Variants in ARMCX4 observed in about 807,000 individuals in gnomAD.
ARMCX4 encodes the protein armadillo repeat-containing X-linked protein 4.
Under a neutral mutation model 34.7 loss-of-function variants are expected in ARMCX4, and 3 were observed. The ratio of observed to expected loss-of-function variants is 0.09; its 90% CI spans 0.04 to 0.22. The LOEUF (loss-of-function observed/expected upper bound fraction) is 0.22. Ranked by LOEUF, ARMCX4 falls within the 10% of genes least tolerant of loss-of-function variation. ARMCX4 has a pLI of 1.00. For synonymous variants in ARMCX4, 513 were observed against 632.8 expected (o/e 0.81, Z 2.84); for missense variants, 1,448 against 1,720.8 (o/e 0.84, Z 2.81).
chrX:101,489,727 G>A lies in ARMCX4; in HGVS notation c.1138G>A (p.Gly380Ser). ...AEVTSGARVDGRGNTNVISKA... is the reference protein window; with the variant it reads ...AEVTSGARVDSRGNTNVISKA... ...GGTGACGTCTGGTGCCAGGGTTGAT[G>A]GTAGGGGAAATACCAATGTCATATC... The change falls in exon 6 of 6, where the codon GGT becomes AGT. Residue 380 changes from glycine (G) to serine (S), a missense_variant. Around this residue, in one of 2 missense-constraint regions of ARMCX4, gnomAD observed 1,343 missense variants for 1,540.7 expected, o/e 0.87. Coordinates refer to ENST00000423738, the MANE Select transcript of ARMCX4 (RefSeq NM_001256155.3). The A allele has an allele frequency of 1.7e-6, 2 of 1,154,622 alleles. No homozygotes were observed. Among genetic ancestry groups the A allele is most frequent in the Non-Finnish European group, 2.3e-6 (2 of 872,103 alleles).
rs781862032 is a variant in ARMCX4, at chrX:101,510,193, C to CAGGACAAAGTGCAGGACA, written c.*1749+515_*1749+516insAGGACAAAGTGCAGGACA. Among the ~76,000 whole-genome samples the CAGGACAAAGTGCAGGACA allele has an allele frequency of 3.8e-4, 43 of 111,852 alleles. 1 individual carries two copies. Among genetic ancestry groups the CAGGACAAAGTGCAGGACA allele is most frequent in the Admixed American group, 3.6e-3 (38 of 10,525 alleles). On this transcript the variant is annotated intron_variant and NMD_transcript_variant, in intron 10 of 12. Coordinates refer to the ARMCX4 transcript ENST00000354842. Reference sequence around the variant, plus strand: ...AATGATGAAATATAGAATATATATACGCATATATTCACACACTTGCTGTCC... The same window carrying CAGGACAAAGTGCAGGACA: ...AATGATGAAATATAGAATATATATACAGGACAAAGTGCAGGACAGCATATATTCACACACTTGCTGTCC...
At chrX:101,461,206 AT>A (rs1932591612) in intron 4 of ARMCX4, among the ~76,000 whole-genome samples, 1 of 111,871 alleles carries the variant, frequency 8.9e-6, no homozygotes, top group Non-Finnish European at 1.9e-5. Context: ...ATAAAACTCT[AT>A]ACCCATTAAA....
Position 101,490,148 on chromosome X carries a change from C to A in ARMCX4, c.1559C>A (p.Ala520Asp). ...GGTATGGCCCAGAGCCAGGGTGAAGCCTTACCTAATACTAGAGGTAAGGCT... is the reference window on the plus strand; with the variant it reads ...GGTATGGCCCAGAGCCAGGGTGAAGACTTACCTAATACTAGAGGTAAGGCT... ...AQGMAQSQGEALPNTRGKARG... is the reference protein window; with the variant it reads ...AQGMAQSQGEDLPNTRGKARG... The change falls in exon 6 of 6, where the codon GCC becomes GAC. Residue 520 changes from alanine to aspartate, a missense_variant. This residue lies in a region of ARMCX4 where 1,343 missense variants were observed against 1,540.7 expected (regional missense o/e 0.87). Transcript: ENST00000423738. 1 of 1,155,725 alleles carries A rather than the reference C, an allele frequency of 8.7e-7. No homozygotes were observed. Among genetic ancestry groups the A allele is most frequent in the Non-Finnish European group, 1.1e-6 (1 of 872,882 alleles).
chrX:101,434,585 G>C (rs1335379500), intron 2 of ARMCX4, among the ~76,000 whole-genome samples: 2 of 111,017 alleles, frequency 1.8e-5, no homozygotes, highest in Admixed American at 1.9e-4. Context: ...AATGAGTATA[G>C]GGTGGGAAGG....
chrX:101,480,951 C>T (rs782433692), upstream of ARMCX4, among the ~76,000 whole-genome samples: 2 of 110,923 alleles, frequency 1.8e-5, no homozygotes, highest in African/African-American at 3.3e-5. Flanking sequence ...GGCAAAAACC[C>T]GTCTATACCA....
In ARMCX4 at chrX:101,423,356, G is replaced by A. The variant is rs782380847; in HGVS notation, n.164+4356G>A. 4.6e-5 allele frequency among the ~76,000 whole-genome samples: 5 copies of A among 108,730 alleles called. No individual in the cohort carries two copies. In the East Asian group the frequency reaches 1.2e-3, roughly 27 times the overall value. The allele number at this position is 108,730 out of a possible 115,157, so 94.4% of individuals were successfully genotyped here. A position where few individuals can be genotyped will look rare whatever the true frequency, so the allele number is the denominator to read the frequency against. On this transcript the variant is annotated intron_variant and non_coding_transcript_variant, in intron 2 of 3. Coordinates refer to the ARMCX4 transcript ENST00000430461. Reference sequence around the variant, plus strand: ...TCTTTTGCCCTGGGTGGTGGCTCACGCTTGTAATCCCAGCACTTTGGGAGG... The same window carrying A: ...TCTTTTGCCCTGGGTGGTGGCTCACACTTGTAATCCCAGCACTTTGGGAGG...
chrX:101,497,935 TGCC>T (rs1556012357), downstream of ARMCX4, among the ~76,000 whole-genome samples: 45 of 111,701 alleles, frequency 4.0e-4, no homozygotes, highest in African/African-American at 1.4e-3. Context: ...TTATTTTAAT[TGCC>T]AGGAGTGCGG....
rs1280824746 is a variant in ARMCX4 at position 101,491,500 on chromosome X, A to C, written c.2911A>C (p.Asn971His). ...LPGAKNKVRG[N>H]SNAVPKAEAG... ...TGGGGCCAAAAATAAGGTCAGGGGC[A>C]ATTCCAATGCTGTGCCTAAGGCAGA... Residue 971 changes from asparagine (N) to histidine (H), a missense_variant, in exon 6 of 6, where the codon AAT becomes CAT. Asn to His is a moderately conservative substitution (Grantham distance 68). Around this residue, in one of 2 missense-constraint regions of ARMCX4, gnomAD observed 1,343 missense variants for 1,540.7 expected, o/e 0.87. Transcript: ENST00000423738. The C allele has an allele frequency of 2.8e-5, 32 of 1,155,108 alleles. No homozygotes were observed. The highest frequency in any genetic ancestry group is 5.2e-5 in the Admixed American group (2 of 38,743).
At position 101,517,839 on chromosome X, in the gene ARMCX4, A is replaced by G. The variant is rs143917505; in HGVS notation, c.*1780+6784A>G. ...AATCCAGTAGATCTAATATCTACTC[A>G]AGGTTTGTAAAAAAAAACAAACAAA... is the stretch of plus-strand genomic sequence containing the variant. On this transcript the variant is annotated intron_variant and NMD_transcript_variant, in intron 11 of 12. Coordinates refer to the ARMCX4 transcript ENST00000354842. 4.9e-3 allele frequency among the ~76,000 whole-genome samples: 542 copies of G among 111,216 alleles called. 2 individuals are homozygous for G. The highest frequency in any genetic ancestry group is 0.017 in the African/African-American group (510 of 30,687).
downstream of ARMCX4, among the ~76,000 whole-genome samples, chrX:101,448,612 A>G (rs1931786636): frequency 9.0e-6 from 1 of 111,247 alleles, no homozygotes. Context: ...TGTTCTTTTG[A>G]GATGAAGCCC....
At chrX:101,438,517 A>T (rs1555995727) in intron 2 of ARMCX4, among the ~76,000 whole-genome samples, 2 of 110,937 alleles carry the variant, frequency 1.8e-5, no homozygotes, top group Admixed American at 1.9e-4. Flanking sequence ...GTGAGCCAAG[A>T]TCGCGCCACT....
intron 11 of ARMCX4, among the ~76,000 whole-genome samples, chrX:101,528,530 A>T (rs1274897738): frequency 9.0e-6 from 1 of 111,690 alleles, no homozygotes; most frequent in African/African-American, 3.3e-5. Flanking sequence ...TTAGGAAAAG[A>T]GGAAGTCAAA....
downstream of ARMCX4, among the ~76,000 whole-genome samples, chrX:101,497,910 G>A (rs1221337048): frequency 9.0e-6 from 1 of 111,554 alleles, no homozygotes; most frequent in Non-Finnish European, 1.9e-5. Flanking sequence ...TTCCCCTTCA[G>A]GAATGAAAAG....
At chrX:101,438,577 A>T (rs1389408189) in intron 2 of ARMCX4, among the ~76,000 whole-genome samples, 1 of 110,632 alleles carries the variant, frequency 9.0e-6, no homozygotes, top group Non-Finnish European at 1.9e-5. Flanking sequence ...CCCCAAAAAA[A>T]GTCTCCCATT....
chrX:101,498,499 AT>A, downstream of ARMCX4: 1 of 132,489 alleles, frequency 7.5e-6, no homozygotes. Context: ...AGGCCAGAAA[AT>A]TGGGCGGCTG....
At chrX:101,446,571 T>G (rs782023549), downstream of ARMCX4, among the ~76,000 whole-genome samples, 78 of 111,768 alleles carry the variant, frequency 7.0e-4, no homozygotes, top group African/African-American at 2.2e-3. Context: ...TAATAATTTT[T>G]TATTATCTCA....
intron 5 of ARMCX4, 58 bp downstream of exon 5, chrX:101,488,157 A>C: frequency 2.1e-6 from 1 of 472,164 alleles, no homozygotes; most frequent in Non-Finnish European, 3.2e-6. Flanking sequence ...AGTAGAAATC[A>C]AAGTCTGGGA....
intron 4 of ARMCX4, among the ~76,000 whole-genome samples, chrX:101,466,502 G>C (rs1162631777): frequency 8.9e-6 from 1 of 111,957 alleles, no homozygotes; most frequent in Non-Finnish European, 1.9e-5. Flanking sequence ...ATCATCTGGT[G>C]AATAAATAAA....
At chrX:101,524,556 G>C (rs1556019932) in intron 11 of ARMCX4, 1 of 112,075 alleles carries the variant, frequency 8.9e-6, no homozygotes, top group African/African-American at 3.2e-5. Context: ...CCCTTTCCTA[G>C]CCAAGGGAAG....
Sources: allele counts gnomAD v4.1 joint callset (sites outside exome capture counted in the v4.1 genomes callset), GRCh38; gene constraint gnomAD v4.1.1; regional missense constraint gnomAD v4.1.1; transcripts MANE v1.5; gene names NCBI Gene and HGNC (gene_info 2026-07-23, HGNC 2026-07-21).